The following LMBR1 variants were observed in gnomAD, a reference collection of about 807,000 sequenced individuals.
LMBR1 encodes limb region 1 protein homolog.
In LMBR1, 52 loss-of-function variants were observed where a neutral mutation model predicts 73.9. The ratio of observed to expected loss-of-function variants is 0.70; its 90% CI spans 0.56 to 0.89. LMBR1 has a LOEUF of 0.89. Among genes scored for constraint, LMBR1 ranks in the 40% least tolerant of loss-of-function variants. The probability of loss-of-function intolerance (pLI) is 0.00; values close to 1 mark genes in which losing one functional copy is unlikely to be tolerated. For missense variants in LMBR1, 539 were observed against 579.8 expected, an observed-to-expected ratio of 0.93 and a Z score of 0.72; for synonymous variants, 215 against 209.4, an observed-to-expected ratio of 1.03 and a Z score of -0.23.
intron 16 of LMBR1, among the ~76,000 whole-genome samples, chr7:156,684,682 C>T (rs994638938): frequency 2.0e-5 from 3 of 152,186 alleles, no homozygotes; most frequent in African/African-American, 4.8e-5. Context: ...ACAGGCTGGG[C>T]GTGGTGGCTC....
chr7:156,806,301 T>C (rs1281616210), intron 4 of LMBR1, among the ~76,000 whole-genome samples: 1 of 152,216 alleles, frequency 6.6e-6, no homozygotes, highest in East Asian at 1.9e-4. Context: ...TATATAGAAA[T>C]ATAATTGTTG....
intron 5 of LMBR1, among the ~76,000 whole-genome samples, chr7:156,786,437 T>C (rs1828122517): frequency 6.6e-6 from 1 of 152,216 alleles, no homozygotes; most frequent in Admixed American, 6.5e-5. Context: ...TGCTCTAGAA[T>C]AACTGAATAG....
chr7:156,704,923 A>G (rs952752908), intron 15 of LMBR1, among the ~76,000 whole-genome samples: 35 of 152,088 alleles, frequency 2.3e-4, no homozygotes, highest in African/African-American at 8.2e-4. Context: ...AAGGAACAAA[A>G]AAGAATGAAG....
Position 156,746,006 on chromosome 7 carries a change from C to T in LMBR1, c.757+10387G>A, listed in dbSNP as rs184954882. On this transcript the variant is annotated intron_variant, in intron 9 of 16. Transcript: ENST00000353442. ...TGATTACAAAGTTAGTTTTGAGTTT[C>T]TGGCAGCCACAGCAAAGGGGGAAGC... Among the ~76,000 whole-genome samples, 765 of 152,264 alleles carry T rather than the reference C, an allele frequency of 5.0e-3. 3 individuals are homozygous for T. The highest frequency in any genetic ancestry group is 6.1e-3 in the Non-Finnish European group (413 of 68,014).
chr7:156,711,904 GA>G (rs1179734230), intron 15 of LMBR1, among the ~76,000 whole-genome samples: 7 of 152,152 alleles, frequency 4.6e-5, no homozygotes, highest in African/African-American at 1.7e-4. Flanking sequence ...AATACTAGAA[GA>G]AAACCTAGGA....
chr7:156,690,497 G>C (rs146615776), intron 15 of LMBR1, among the ~76,000 whole-genome samples: 13 of 152,262 alleles, frequency 8.5e-5, no homozygotes, highest in Admixed American at 2.6e-4. Context: ...GCATCATCAC[G>C]GTAAGAATGG....
chr7:156,850,662 A>C (rs1796109885), intron 1 of LMBR1, among the ~76,000 whole-genome samples: 1 of 152,250 alleles, frequency 6.6e-6, no homozygotes, highest in African/African-American at 2.4e-5. Flanking sequence ...CTGTTTCATT[A>C]AAAACACATT....
At chr7:156,880,188 G>A (rs917758343) in intron 1 of LMBR1, among the ~76,000 whole-genome samples, 1 of 152,170 alleles carries the variant, frequency 6.6e-6, no homozygotes, top group Non-Finnish European at 1.5e-5. Flanking sequence ...TGAAATAATG[G>A]CATTCACAAC....
intron 15 of LMBR1, among the ~76,000 whole-genome samples, chr7:156,702,671 C>T (rs1810039946): frequency 6.6e-6 from 1 of 152,096 alleles, no homozygotes; most frequent in African/African-American, 2.4e-5. Flanking sequence ...ACTTCTTTTT[C>T]ACATCTCAGC....
chr7:156,879,526 T>C (rs1306122494), intron 1 of LMBR1, among the ~76,000 whole-genome samples: 1 of 151,758 alleles, frequency 6.6e-6, no homozygotes, highest in Non-Finnish European at 1.5e-5. Flanking sequence ...TAGCCAGGCG[T>C]GGTGGCAGGT....
chr7:156,723,838 G>T (rs1021960438), intron 15 of LMBR1, among the ~76,000 whole-genome samples: 1 of 152,062 alleles, frequency 6.6e-6, no homozygotes, highest in Non-Finnish European at 1.5e-5. Flanking sequence ...CTAACTTATA[G>T]ATGTGTCAGT....
intron 1 of LMBR1, among the ~76,000 whole-genome samples, chr7:156,886,627 A>C (rs371806215): frequency 8.2e-4 from 125 of 152,222 alleles, no homozygotes; most frequent in African/African-American, 2.8e-3. Flanking sequence ...GAGAGTGGGG[A>C]TCACTTAGGG....
intron 1 of LMBR1, among the ~76,000 whole-genome samples, chr7:156,854,682 C>T (rs1263703367): frequency 2.0e-5 from 3 of 152,140 alleles, no homozygotes; most frequent in African/African-American, 4.8e-5. Context: ...GGTCAAAAGC[C>T]GAGTAGCACC....
intron 1 of LMBR1, among the ~76,000 whole-genome samples, chr7:156,885,900 G>C (rs948627643): frequency 2.0e-5 from 3 of 151,770 alleles, no homozygotes; most frequent in African/African-American, 4.8e-5. Flanking sequence ...AATTAGCCAG[G>C]CATGGTGGTG....
chr7:156,764,158 G>A (rs997593144), intron 5 of LMBR1, among the ~76,000 whole-genome samples: 3 of 152,206 alleles, frequency 2.0e-5, no homozygotes, highest in African/African-American at 7.2e-5. Flanking sequence ...AAACAGTTCA[G>A]TGAGCACTGA....
intron 1 of LMBR1, among the ~76,000 whole-genome samples, chr7:156,866,417 T>C (rs1316677334): frequency 6.6e-6 from 1 of 151,574 alleles, no homozygotes; most frequent in Admixed American, 6.6e-5. Flanking sequence ...TTGTAGATGC[T>C]GGTGCTAATT....
chr7:156,704,338 C>T (rs1362840357), intron 15 of LMBR1, among the ~76,000 whole-genome samples: 1 of 152,136 alleles, frequency 6.6e-6, no homozygotes, highest in Non-Finnish European at 1.5e-5. Context: ...ACCACAAAGG[C>T]TATTTATAGC....
At chr7:156,718,389 G>C (rs1380624949) in intron 15 of LMBR1, among the ~76,000 whole-genome samples, 2 of 142,664 alleles carry the variant, frequency 1.4e-5, no homozygotes, top group Admixed American at 7.3e-5. Flanking sequence ...AACAGAGTGA[G>C]AATCCATCTC....
chr7:156,678,264 G>C lies in LMBR1; in HGVS notation c.*5814C>G, dbSNP rs1339334041. ...CAACAGATACTTAGGAAAATCGGTG[G>C]GATGAAAGGCAGGAATGGTCATCTA... On this transcript the variant is annotated 3_prime_UTR_variant, in exon 17 of 17. Coordinates refer to ENST00000353442, the MANE Select transcript of LMBR1 (RefSeq NM_022458.4). 2.0e-5 allele frequency: 3 copies of C among 152,274 alleles called. No individual in the cohort carries two copies. Among genetic ancestry groups the C allele is most frequent in the Admixed American group, 2.0e-4 (3 of 15,282 alleles). The allele number at this position is 152,274 out of a possible 1,614,324, so 9.4% of individuals were successfully genotyped here. A position where few individuals can be genotyped will look rare whatever the true frequency, so the allele number is the denominator to read the frequency against.
Sources: allele counts gnomAD v4.1 joint callset (sites outside exome capture counted in the v4.1 genomes callset), GRCh38; gene constraint gnomAD v4.1.1; transcripts MANE v1.5; gene names NCBI Gene and HGNC (gene_info 2026-07-23, HGNC 2026-07-21).